The following ATP10B variants were observed in gnomAD, a reference collection of about 807,000 sequenced individuals.
ATP10B encodes phospholipid-transporting ATPase VB.
A neutral mutation model predicts 141.2 loss-of-function variants in ATP10B; 122 were observed. The ratio of observed to expected loss-of-function variants is 0.86; its 90% CI spans 0.75 to 1.00. The LOEUF (loss-of-function observed/expected upper bound fraction) is 1.00, where lower values mean the gene tolerates loss of function less well. ATP10B is among the 50% of genes least tolerant of loss of function. The probability of loss-of-function intolerance (pLI) is 0.00; values close to 1 mark genes in which losing one functional copy is unlikely to be tolerated. For synonymous variants in ATP10B, 685 were observed against 692.0 expected (o/e 0.99, Z 0.16); for missense variants, 1,876 against 1,825.3 (o/e 1.03, Z -0.51).
At chr5:160,861,510 G>C in the ATP10B span, among the ~76,000 whole-genome samples, 1 of 151,814 alleles carries the variant, frequency 6.6e-6, no homozygotes, top group Non-Finnish European at 1.5e-5. Flanking sequence ...TCACAAAAGG[G>C]GGTCACAAAA....
chr5:160,610,889 G>A (rs1267666248), intron 18 of ATP10B, among the ~76,000 whole-genome samples: 1 of 152,090 alleles, frequency 6.6e-6, no homozygotes, highest in East Asian at 1.9e-4. Flanking sequence ...TGAGGTCTAG[G>A]TCGATCCCAT....
intron 18 of ATP10B, among the ~76,000 whole-genome samples, chr5:160,611,567 A>G (rs918396298): frequency 6.6e-6 from 1 of 152,236 alleles, no homozygotes; most frequent in African/African-American, 2.4e-5. Context: ...CAGGAAAGTA[A>G]ATGATTTTTC....
intron 14 of ATP10B, among the ~76,000 whole-genome samples, chr5:160,622,067 A>G (rs1001869939): frequency 6.6e-6 from 1 of 152,198 alleles, no homozygotes. Context: ...TTAAATGATA[A>G]TACAGGTAAA....
At chr5:160,814,380 T>A (rs1773429651) in intron 1 of ATP10B, among the ~76,000 whole-genome samples, 1 of 152,112 alleles carries the variant, frequency 6.6e-6, no homozygotes, top group Non-Finnish European at 1.5e-5. Context: ...GAAGAAAGGG[T>A]ATCAGTGATG....
At chr5:160,775,703 T>TG (rs1282874242) in intron 2 of ATP10B, among the ~76,000 whole-genome samples, 3 of 133,782 alleles carry the variant, frequency 2.2e-5, no homozygotes, top group Non-Finnish European at 4.8e-5. Flanking sequence ...TTTTTTGAGA[T>TG]GGAGTCTCGC....
chr5:160,763,353 A>G (rs945254990), intron 2 of ATP10B, among the ~76,000 whole-genome samples: 2 of 152,198 alleles, frequency 1.3e-5, no homozygotes, highest in Non-Finnish European at 2.9e-5. Context: ...TCGAAATAAT[A>G]TCAAGTACTC....
At chr5:160,626,086 A>G (rs1758596429) in intron 13 of ATP10B, among the ~76,000 whole-genome samples, 1 of 152,212 alleles carries the variant, frequency 6.6e-6, no homozygotes, top group Admixed American at 6.5e-5. Context: ...TGGACCATTA[A>G]CATTTAGAAA....
chr5:160,637,599 C>T (rs912942036), intron 10 of ATP10B, among the ~76,000 whole-genome samples: 5 of 152,192 alleles, frequency 3.3e-5, no homozygotes, highest in Admixed American at 1.3e-4. Flanking sequence ...CACGCATTAT[C>T]TGAGGATTAT....
At chr5:160,782,643 A>G (rs570267413) in intron 2 of ATP10B, among the ~76,000 whole-genome samples, 183 of 152,270 alleles carry the variant, frequency 1.2e-3, no homozygotes, top group Non-Finnish European at 2.3e-3. Flanking sequence ...GCAGAGAAAT[A>G]TCTCTGTGCA....
chr5:160,641,197 G>C (rs1759834029), intron 9 of ATP10B, among the ~76,000 whole-genome samples: 1 of 152,234 alleles, frequency 6.6e-6, no homozygotes, highest in Admixed American at 6.5e-5. Context: ...AGATGACATT[G>C]AAGGGAGGCC....
chr5:160,583,326 ACAGT>A (rs1236662378), intron 24 of ATP10B, among the ~76,000 whole-genome samples: 20 of 151,926 alleles, frequency 1.3e-4, no homozygotes, highest in African/African-American at 4.8e-4. Flanking sequence ...TTTCCTTCTA[ACAGT>A]CAGGCCTGTC....
intron 2 of ATP10B, among the ~76,000 whole-genome samples, chr5:160,765,434 G>C (rs182620941): frequency 3.3e-5 from 5 of 151,974 alleles, no homozygotes; most frequent in African/African-American, 1.2e-4. Context: ...ATGGATCTTC[G>C]ACAAAGCAAA....
At chr5:160,660,183 A>C (rs1761813337) in intron 7 of ATP10B, among the ~76,000 whole-genome samples, 1 of 152,260 alleles carries the variant, frequency 6.6e-6, no homozygotes, top group African/African-American at 2.4e-5. Flanking sequence ...ATTTAATCTT[A>C]AAAGTGTCCT....
chr5:160,890,983 G>A, the ATP10B span, among the ~76,000 whole-genome samples: 2 of 147,606 alleles, frequency 1.4e-5, no homozygotes, highest in Non-Finnish European at 3.0e-5. Flanking sequence ...ATGACCATTT[G>A]TTTACGTGTA....
intron 7 of ATP10B, among the ~76,000 whole-genome samples, chr5:160,655,721 C>T (rs1052530108): frequency 2.0e-5 from 3 of 152,160 alleles, no homozygotes. Flanking sequence ...AGTCACAGTC[C>T]TAGATCCCAC....
intron 7 of ATP10B, among the ~76,000 whole-genome samples, chr5:160,660,069 A>G (rs1323763357): frequency 6.6e-6 from 1 of 152,214 alleles, no homozygotes; most frequent in Non-Finnish European, 1.5e-5. Flanking sequence ...GCAGTGGATA[A>G]GGAATTTGCC....
At chr5:160,897,359 T>A in the ATP10B span, among the ~76,000 whole-genome samples, 4 of 152,118 alleles carry the variant, frequency 2.6e-5, no homozygotes, top group Non-Finnish European at 5.9e-5. Flanking sequence ...AGATAAGAAA[T>A]CAATGTGTAA....
rs113693732 is a variant in ATP10B at position 160,791,353 on chromosome 5, T to C, written c.-575-5550A>G. On this transcript the variant is annotated intron_variant, in intron 1 of 25. Transcript: ENST00000327245. Reference sequence around the variant, plus strand: ...TATTGGTTGAATCTCTATTCATTGGTAAGTGTGATCTAGGAGCAAGTGCGG... The same window carrying C: ...TATTGGTTGAATCTCTATTCATTGGCAAGTGTGATCTAGGAGCAAGTGCGG... Among the ~76,000 whole-genome samples the C allele has an allele frequency of 1.8e-3, 274 of 152,284 alleles. 2 individuals carry two copies. The highest frequency in any genetic ancestry group is 6.4e-3 in the African/African-American group (268 of 41,566).
At chr5:160,898,980 C>T in the ATP10B span, among the ~76,000 whole-genome samples, 1 of 123,468 alleles carries the variant, frequency 8.1e-6, no homozygotes, top group East Asian at 2.8e-4. Flanking sequence ...ACATCACACA[C>T]TGGGGCCTGT....
Sources: gnomAD v4.1 joint callset for allele counts (sites outside exome capture counted in the v4.1 genomes callset) on GRCh38, gnomAD v4.1.1 for gene constraint, MANE v1.5 for transcripts, NCBI Gene and HGNC (gene_info 2026-07-23, HGNC 2026-07-21) for gene names.